NTRK3: variants seen among roughly 807,000 people sequenced by gnomAD.
NTRK3 encodes NT-3 growth factor receptor.
In NTRK3, 24 loss-of-function variants were observed where a neutral mutation model predicts 91.7. The ratio of observed to expected loss-of-function variants is 0.26; its 90% CI spans 0.19 to 0.37. The LOEUF is 0.37. Among genes scored for constraint, NTRK3 ranks in the 10% least tolerant of loss-of-function variants. The pLI is 1.00. For missense variants in NTRK3, 880 were observed against 1,068.9 expected, an observed-to-expected ratio of 0.82 and a Z score of 2.46; for synonymous variants, 483 against 404.0, an observed-to-expected ratio of 1.20 and a Z score of -2.34.
intron 13 of NTRK3, among the ~76,000 whole-genome samples, chr15:88,088,936 C>T (rs191381916): frequency 4.6e-5 from 7 of 152,248 alleles, no homozygotes; most frequent in Admixed American, 1.3e-4. Context: ...TATTACTGCT[C>T]TTAGGTTCCT....
chr15:88,048,979 A>G (rs1244136401), intron 13 of NTRK3, among the ~76,000 whole-genome samples: 1 of 152,178 alleles, frequency 6.6e-6, no homozygotes, highest in Non-Finnish European at 1.5e-5. Context: ...CCACTACCCT[A>G]CAACACTGAC....
intron 15 of NTRK3, among the ~76,000 whole-genome samples, chr15:87,936,836 C>G (rs1172145136): frequency 2.0e-5 from 3 of 152,040 alleles, no homozygotes; most frequent in Admixed American, 6.6e-5. Context: ...CAGGGGTGCC[C>G]CTCTCTTATC....
At chr15:87,891,537 G>A (rs939245862) in intron 17 of NTRK3, among the ~76,000 whole-genome samples, 13 of 152,064 alleles carry the variant, frequency 8.5e-5, no homozygotes, top group Non-Finnish European at 1.5e-4. Flanking sequence ...TTTCTGTTTG[G>A]TTTTAGTTTA....
chr15:88,093,080 T>G (rs2049188244), intron 13 of NTRK3, among the ~76,000 whole-genome samples: 1 of 151,352 alleles, frequency 6.6e-6, no homozygotes, highest in South Asian at 2.1e-4. Context: ...TTTTGTTTTT[T>G]TTTTTTTGTT....
exon 19 of NTRK3, chr15:87,862,610 G>A (rs184236272): frequency 4.4e-6 from 1 of 227,446 alleles, no homozygotes; most frequent in Admixed American, 5.7e-5. Context: ...AGTAGACAAT[G>A]ATGACTCTAA....
intron 13 of NTRK3, among the ~76,000 whole-genome samples, chr15:88,065,731 C>T (rs1289954197): frequency 6.6e-6 from 1 of 152,182 alleles, no homozygotes; most frequent in East Asian, 1.9e-4. Context: ...CTCTTATGTA[C>T]AAACAGGTAA....
Position 87,974,648 on chromosome 15 carries a change from T to G in NTRK3, c.1586-33895A>C, listed in dbSNP as rs1429850947. On this transcript the variant is annotated intron_variant, in intron 14 of 18. Coordinates refer to ENST00000394480, the Ensembl canonical transcript of NTRK3. ...CTCCCCAATATCAAAAAGGCCATCATTGCTTGGGAATCTCACCAACTGTAA... is the reference window on the plus strand; with the variant it reads ...CTCCCCAATATCAAAAAGGCCATCAGTGCTTGGGAATCTCACCAACTGTAA... 2.0e-5 allele frequency among the ~76,000 whole-genome samples: 3 copies of G among 152,178 alleles called. No individual in the cohort carries two copies. The South Asian group carries it at 6.2e-4, about 32-fold the overall frequency.
At chr15:88,106,212 C>A (rs552580488) in intron 13 of NTRK3, among the ~76,000 whole-genome samples, 6 of 152,210 alleles carry the variant, frequency 3.9e-5, no homozygotes, top group Non-Finnish European at 1.5e-5. Context: ...GCTGCTACAG[C>A]GGCCGGCAGG....
chr15:88,104,595 G>T (rs1394938013), intron 13 of NTRK3, among the ~76,000 whole-genome samples: 1 of 152,188 alleles, frequency 6.6e-6, no homozygotes, highest in African/African-American at 2.4e-5. Flanking sequence ...CTGAAGTTCA[G>T]TTACTTCAAA....
intron 14 of NTRK3, among the ~76,000 whole-genome samples, chr15:87,968,916 G>A (rs549867159): frequency 6.6e-6 from 1 of 152,218 alleles, no homozygotes; most frequent in African/African-American, 2.4e-5. Flanking sequence ...ATAAACAGAT[G>A]AAAGAACTCA....
At chr15:88,091,185 A>G (rs1225912649) in intron 13 of NTRK3, among the ~76,000 whole-genome samples, 1 of 152,172 alleles carries the variant, frequency 6.6e-6, no homozygotes, top group Non-Finnish European at 1.5e-5. Context: ...ATGAAAGGGG[A>G]AAAAGGTTAG....
chr15:88,248,000 C>A (rs1043232463), intron 3 of NTRK3, among the ~76,000 whole-genome samples: 1 of 152,190 alleles, frequency 6.6e-6, no homozygotes, highest in African/African-American at 2.4e-5. Context: ...GCTCCTGGCA[C>A]CCCAAAGCTC....
chr15:87,961,268 C>T (rs1429053634), intron 14 of NTRK3, among the ~76,000 whole-genome samples: 1 of 152,176 alleles, frequency 6.6e-6, no homozygotes, highest in Non-Finnish European at 1.5e-5. Flanking sequence ...TTTGAATCCA[C>T]CATGTAAACC....
rs1423013605 is a variant in NTRK3, at chr15:87,895,777, AT to A, written c.2134-15350del. ...TACAACTTGGTCTCCACAATCCTTTATCTTTTTTTTTTCATTTTATTTTATT... is the reference window on the plus strand; with the variant it reads ...TACAACTTGGTCTCCACAATCCTTTACTTTTTTTTTTCATTTTATTTTATT... On this transcript the variant is annotated intron_variant, in intron 17 of 18. Coordinates refer to ENST00000394480, the Ensembl canonical transcript of NTRK3. Among the ~76,000 whole-genome samples, 24 of 73,406 alleles carry A rather than the reference AT, an allele frequency of 3.3e-4. 1 individual carries two copies. The highest frequency in any genetic ancestry group is 2.8e-3 in the Admixed American group (22 of 7,798). The allele number at this position is 73,406 out of a possible 152,430, so 48.2% of individuals were successfully genotyped here. A position where few individuals can be genotyped will look rare whatever the true frequency, so the allele number is the denominator to read the frequency against.
intron 14 of NTRK3, among the ~76,000 whole-genome samples, chr15:87,949,017 C>T (rs992851361): frequency 3.9e-5 from 6 of 152,158 alleles, no homozygotes; most frequent in East Asian, 1.9e-4. Context: ...TGCTCAAGTT[C>T]GTAGGCTGGG....
intron 13 of NTRK3, among the ~76,000 whole-genome samples, chr15:88,090,350 T>C (rs1286463640): frequency 6.6e-6 from 1 of 152,092 alleles, no homozygotes; most frequent in Non-Finnish European, 1.5e-5. Flanking sequence ...CAGTACTTGG[T>C]GCCCAGTGCA....
intron 17 of NTRK3, among the ~76,000 whole-genome samples, chr15:87,902,798 T>C (rs1452726243): frequency 6.6e-6 from 1 of 152,174 alleles, no homozygotes; most frequent in Non-Finnish European, 1.5e-5. Context: ...TGTCTATTTC[T>C]AGAAATGAAC....
At chr15:87,999,703 A>T (rs1375974695) in intron 14 of NTRK3, among the ~76,000 whole-genome samples, 1 of 152,208 alleles carries the variant, frequency 6.6e-6, no homozygotes, top group Non-Finnish European at 1.5e-5. Flanking sequence ...CTTTAAGACT[A>T]CATCTTTCAG....
chr15:88,028,252 C>A (rs548107238), intron 14 of NTRK3, among the ~76,000 whole-genome samples: 1 of 152,102 alleles, frequency 6.6e-6, no homozygotes, highest in South Asian at 2.1e-4. Flanking sequence ...TATGGTTGGA[C>A]GTGAGCCCAT....
Sources: gnomAD v4.1 joint callset for allele counts (sites outside exome capture counted in the v4.1 genomes callset) on GRCh38, gnomAD v4.1.1 for gene constraint, MANE v1.5 for transcripts, NCBI Gene and HGNC (gene_info 2026-07-23, HGNC 2026-07-21) for gene names.